PPIP5K1: variants seen among roughly 807,000 people sequenced by gnomAD.
The protein encoded by PPIP5K1 is diphosphoinositol pentakisphosphate kinase 1, also known as inositol hexakisphosphate and diphosphoinositol-pentakisphosphate kinase 1.
A neutral mutation model predicts 27.7 loss-of-function variants in PPIP5K1; 6 were observed. The observed-to-expected ratio is 0.22, with a 90% CI of 0.12 to 0.43. The LOEUF is 0.43. Ranked by LOEUF, PPIP5K1 falls within the 20% of genes least tolerant of loss-of-function variation. The probability of loss-of-function intolerance (pLI) is 1.00; values close to 1 mark genes in which losing one functional copy is unlikely to be tolerated. For synonymous variants in PPIP5K1, 145 were observed against 242.6 expected, an observed-to-expected ratio of 0.60 and a Z score of 3.74; for missense variants, 394 against 635.4, an observed-to-expected ratio of 0.62 and a Z score of 4.08.
At chr15:43,555,779 G>C (rs1036396208) in intron 30 of PPIP5K1, among the ~76,000 whole-genome samples, 4 of 151,496 alleles carry the variant, frequency 2.6e-5, no homozygotes, top group African/African-American at 9.7e-5. Flanking sequence ...CTAATTTTTT[G>C]TATTTTAGTA....
At chr15:43,544,086 C>T (rs1329216066) in intron 30 of PPIP5K1, among the ~76,000 whole-genome samples, 3 of 152,020 alleles carry the variant, frequency 2.0e-5, no homozygotes, top group African/African-American at 7.2e-5. Flanking sequence ...TACAGGCTCA[C>T]AAGTCAAAGC....
chr15:43,556,538 C>T (rs1477895480), intron 30 of PPIP5K1, among the ~76,000 whole-genome samples: 1 of 112,602 alleles, frequency 8.9e-6, no homozygotes, highest in Non-Finnish European at 1.7e-5. Flanking sequence ...GAAACTCCAT[C>T]TCAAAAAAAA....
intron 30 of PPIP5K1, among the ~76,000 whole-genome samples, chr15:43,550,360 T>C (rs1322753675): frequency 1.3e-5 from 2 of 152,032 alleles, no homozygotes; most frequent in Non-Finnish European, 2.9e-5. Context: ...TGTCCAGGCT[T>C]GTCTCAAACT....
At chr15:43,553,155 T>C (rs980801160) in intron 30 of PPIP5K1, among the ~76,000 whole-genome samples, 1 of 152,264 alleles carries the variant, frequency 6.6e-6, no homozygotes, top group Non-Finnish European at 1.5e-5. Context: ...GTCTTTTGTA[T>C]GACTTCAACT....
rs546344634 is a variant in PPIP5K1, at chr15:43,542,007, T to C, written c.3557-2424A>G. Among the ~76,000 whole-genome samples, 236 of 152,272 alleles carry C rather than the reference T, an allele frequency of 1.5e-3. 1 individual carries two copies. Among genetic ancestry groups the C allele is most frequent in the Non-Finnish European group, 1.9e-3 (126 of 68,014 alleles). On this transcript the variant is annotated intron_variant, in intron 30 of 31. Transcript: ENST00000420765. ...TTGTCCCATTATAAGTAAGGCTAAG[T>C]TTACTAACTAGGTTAAGGTGGCACC...
Position 43,534,417 on chromosome 15 carries a change from A to C in PPIP5K1, c.*257T>G, listed in dbSNP as rs190735377. ...TCTGGCACAGGTATGCTTCATACAAAGAGAACTACTTCCCCAGACACCGCT... is the reference window on the plus strand; with the variant it reads ...TCTGGCACAGGTATGCTTCATACAACGAGAACTACTTCCCCAGACACCGCT... On this transcript the variant is annotated 3_prime_UTR_variant, in exon 32 of 32. Transcript: ENST00000420765. 33 of 358,180 alleles carry C rather than the reference A, an allele frequency of 9.2e-5. No individual in the cohort carries two copies. The highest frequency in any genetic ancestry group is 6.7e-4 in the African/African-American group (32 of 47,838). The allele number at this position is 358,180 out of a possible 1,614,324, so 22.2% of individuals were successfully genotyped here.
chr15:43,549,024 T>C (rs1595778011), intron 30 of PPIP5K1, among the ~76,000 whole-genome samples: 1 of 52,334 alleles, frequency 1.9e-5, no homozygotes, highest in South Asian at 9.4e-4. Context: ...TGAGACTCCA[T>C]CTCAAAAAAA....
chr15:43,554,779 TTTATAA>T (rs921686939), intron 30 of PPIP5K1, among the ~76,000 whole-genome samples: 4 of 152,086 alleles, frequency 2.6e-5, no homozygotes, highest in African/African-American at 9.7e-5. Context: ...TTTTCATTTG[TTTATAA>T]TTATAATTGA....
At chr15:43,555,743 C>T (rs955041890) in intron 30 of PPIP5K1, among the ~76,000 whole-genome samples, 2 of 151,796 alleles carry the variant, frequency 1.3e-5, no homozygotes, top group African/African-American at 4.8e-5. Context: ...GTAGCTGGGA[C>T]TACAGGTGCA....
At chr15:43,551,244 G>A (rs760195633) in intron 30 of PPIP5K1, among the ~76,000 whole-genome samples, 21 of 151,906 alleles carry the variant, frequency 1.4e-4, no homozygotes, top group Admixed American at 1.3e-3. Flanking sequence ...TTGGCTGGAC[G>A]CAGTGGCTTA....
rs1226225401 is a variant in PPIP5K1 at position 43,585,901 on chromosome 15, CCT to C, written c.-122-1011_-122-1010del. ...TCCAGCCTGGGCGACACAAAAATAC[CCT>C]GTTTCGGCCAGGCACGGTGGCTCAC... On this transcript the variant is annotated intron_variant, in intron 1 of 31. Transcript: ENST00000420765. Among the ~76,000 whole-genome samples, 13 of 118,986 alleles carry C rather than the reference CCT, an allele frequency of 1.1e-4. 1 individual carries two copies. The highest frequency in any genetic ancestry group is 2.8e-4 in the South Asian group (1 of 3,514). The allele number at this position is 118,986 out of a possible 152,430, so 78.1% of individuals were successfully genotyped here.
intron 30 of PPIP5K1, among the ~76,000 whole-genome samples, chr15:43,557,499 G>A (rs535815474): frequency 2.0e-5 from 3 of 152,150 alleles, no homozygotes; most frequent in Admixed American, 6.6e-5. Context: ...AGAGGCCAAG[G>A]CAGGAGGATC....
intron 30 of PPIP5K1, among the ~76,000 whole-genome samples, 156 bp downstream of exon 30, chr15:43,558,639 G>T (rs139240415): frequency 6.6e-6 from 1 of 152,148 alleles, no homozygotes; most frequent in Admixed American, 6.5e-5. Flanking sequence ...TAACAGACAT[G>T]AACCACTGCG....
At chr15:43,560,293 C>T in intron 29 of PPIP5K1, 120 bp downstream of exon 29, 1 of 991,282 alleles carries the variant, frequency 1.0e-6, no homozygotes, top group Non-Finnish European at 1.4e-6. Context: ...ATGCAAGTTA[C>T]ATAAACTTAG....
chr15:43,558,984 C>A, intron 29 of PPIP5K1, 52 bp from the exon 30 acceptor site: 1 of 1,605,076 alleles, frequency 6.2e-7, no homozygotes, highest in South Asian at 1.1e-5. Context: ...AGATATACCC[C>A]AACTGGCCAA....
intron 31 of PPIP5K1, 110 bp from the exon 32 acceptor site, chr15:43,535,586 G>A: frequency 1.1e-6 from 1 of 897,552 alleles, no homozygotes; most frequent in Non-Finnish European, 1.7e-6. Context: ...TATGTCTTGA[G>A]GGAAGAGTGT....
chr15:43,541,487 C>T (rs1424055563), intron 30 of PPIP5K1, among the ~76,000 whole-genome samples: 4 of 152,084 alleles, frequency 2.6e-5, no homozygotes, highest in Middle Eastern at 3.4e-3. Context: ...GAGGCCGAGG[C>T]GGGTAGATCA....
At chr15:43,535,690 G>C (rs1188596420) in intron 31 of PPIP5K1, among the ~76,000 whole-genome samples, 1 of 152,156 alleles carries the variant, frequency 6.6e-6, no homozygotes, top group East Asian at 1.9e-4. Flanking sequence ...GTAACAATAA[G>C]GTACATCTAA....
At chr15:43,558,655 C>T in intron 30 of PPIP5K1, 140 bp downstream of exon 30, 1 of 1,221,926 alleles carries the variant, frequency 8.2e-7, no homozygotes, top group Non-Finnish European at 1.1e-6. Flanking sequence ...CTGCGCCCAG[C>T]CAGCAATTAT....
Sources: gnomAD v4.1 joint callset for allele counts (sites outside exome capture counted in the v4.1 genomes callset) on GRCh38, gnomAD v4.1.1 for gene constraint, MANE v1.5 for transcripts, NCBI Gene and HGNC (gene_info 2026-07-23, HGNC 2026-07-21) for gene names.